Variants in EHBP1 observed in about 807,000 individuals in gnomAD.
EHBP1 encodes the protein EH domain binding protein 1.
In EHBP1, 55 loss-of-function variants were observed where a neutral mutation model predicts 144.0. That is an observed-to-expected ratio of 0.38 (90% CI 0.31 to 0.48). The LOEUF (loss-of-function observed/expected upper bound fraction) is 0.48. EHBP1 is among the 20% of genes least tolerant of loss of function. The probability of loss-of-function intolerance (pLI) is 0.98; values close to 1 mark genes in which losing one functional copy is unlikely to be tolerated. For synonymous variants in EHBP1, 469 were observed against 472.7 expected, an observed-to-expected ratio of 0.99 and a Z score of 0.10; for missense variants, 1,200 against 1,364.2, an observed-to-expected ratio of 0.88 and a Z score of 1.90.
chr2:62,890,350 A>G (rs1009368086), intron 10 of EHBP1, among the ~76,000 whole-genome samples: 1 of 152,180 alleles, frequency 6.6e-6, no homozygotes, highest in Non-Finnish European at 1.5e-5. Context: ...TTTTAACAAT[A>G]TTGATTCTTC....
intron 5 of EHBP1, among the ~76,000 whole-genome samples, chr2:62,817,943 T>C (rs1378144014): frequency 6.6e-6 from 1 of 152,014 alleles, no homozygotes; most frequent in African/African-American, 2.4e-5. Context: ...ACTTTCCTTA[T>C]CACATAGAAA....
At chr2:62,810,565 T>C (rs1341030458) in intron 5 of EHBP1, among the ~76,000 whole-genome samples, 1 of 152,238 alleles carries the variant, frequency 6.6e-6, no homozygotes, top group Non-Finnish European at 1.5e-5. Context: ...AGTTTGGCTA[T>C]GTTGAGTTTG....
intron 11 of EHBP1, among the ~76,000 whole-genome samples, chr2:62,943,539 C>G (rs2056897364): frequency 6.6e-6 from 1 of 152,076 alleles, no homozygotes; most frequent in African/African-American, 2.4e-5. Context: ...ATTTGGTTGT[C>G]AAGGCTAGTC....
rs554647512 is a variant in EHBP1, at chr2:62,882,585, T to C, written c.1185+8053T>C. On this transcript the variant is annotated intron_variant, in intron 10 of 22. Transcript: ENST00000431489. The stretch of plus-strand genomic sequence containing the variant: ...TAATTAAGAATTCCTAATTTCTCTG[T>C]AGAGGAAAGGAAATGGGCCGGGTGC... Among the ~76,000 whole-genome samples the C allele has an allele frequency of 1.1e-4, 17 of 152,288 alleles. No individual in the cohort carries two copies. In the South Asian group the frequency reaches 3.3e-3, roughly 30 times the overall value.
intron 14 of EHBP1, among the ~76,000 whole-genome samples, chr2:62,978,432 A>C (rs1326874129): frequency 1.3e-5 from 2 of 151,880 alleles, no homozygotes; most frequent in African/African-American, 4.8e-5. Flanking sequence ...CAATCTCTTG[A>C]CCTTGTGATC....
intron 7 of EHBP1, among the ~76,000 whole-genome samples, chr2:62,831,474 C>T (rs1355538613): frequency 3.9e-5 from 6 of 152,140 alleles, no homozygotes; most frequent in African/African-American, 1.4e-4. Flanking sequence ...TAAAGATCTG[C>T]CTGTAAAGGA....
chr2:62,765,840 T>C (rs2041136640), intron 4 of EHBP1, among the ~76,000 whole-genome samples: 1 of 152,198 alleles, frequency 6.6e-6, no homozygotes, highest in Non-Finnish European at 1.5e-5. Context: ...TGCATCACAC[T>C]GTATTACTTG....
In EHBP1 at chr2:62,874,454, A is replaced by T; in HGVS notation, c.1107A>T (p.Pro369=). 6.2e-7 allele frequency: 1 copy of T among 1,613,682 alleles called. No homozygotes were observed. The highest frequency in any genetic ancestry group is 8.5e-7 in the Non-Finnish European group (1 of 1,179,728). The stretch of plus-strand genomic sequence containing the variant: ...GAGTGAAAAGAAAGGCCCCGGCTCC[A>T]CCAGTCCTCTCACCAAAAACAGGAG... ...ERRVKRKAPA[P]PVLSPKTGVL... is the part of the protein sequence containing the mutation. The change falls in exon 10 of 23, where the codon CCA becomes CCT. Residue 369 remains proline, a synonymous_variant. Coordinates refer to ENST00000431489, the MANE Select transcript of EHBP1 (RefSeq NM_001142616.3).
intron 19 of EHBP1, among the ~76,000 whole-genome samples, chr2:63,036,976 G>A (rs2061464282): frequency 6.6e-6 from 1 of 151,266 alleles, no homozygotes; most frequent in African/African-American, 2.4e-5. Context: ...TTTTTTTGTA[G>A]CCTGGTAATT....
At chr2:62,832,795 C>T (rs1052199981) in intron 7 of EHBP1, among the ~76,000 whole-genome samples, 2 of 152,140 alleles carry the variant, frequency 1.3e-5, no homozygotes, top group African/African-American at 2.4e-5. Context: ...TTCCCTGGGA[C>T]ATAACAATGT....
rs541561492 is a variant in EHBP1 at position 62,956,495 on chromosome 2, T to G, written c.2460+835T>G. ...ACCCTATTGCTTATGAGACTATGCT[T>G]TGAATAGTCCCAAGATATTTTCCCA... On this transcript the variant is annotated intron_variant, in intron 14 of 22. Transcript: ENST00000431489. Among the ~76,000 whole-genome samples the G allele has an allele frequency of 3.3e-5, 5 of 152,232 alleles. No homozygotes were observed. The South Asian group carries it at 1.0e-3, about 32-fold the overall frequency.
intron 1 of EHBP1, among the ~76,000 whole-genome samples, chr2:62,700,506 T>A (rs2034248067): frequency 6.6e-6 from 1 of 152,256 alleles, no homozygotes; most frequent in African/African-American, 2.4e-5. Context: ...CTAATATTCA[T>A]CTTCATTAGC....
intron 2 of EHBP1, among the ~76,000 whole-genome samples, chr2:62,719,226 A>G (rs2035974847): frequency 6.6e-6 from 1 of 152,142 alleles, no homozygotes; most frequent in African/African-American, 2.4e-5. Context: ...TTGGCCTCCC[A>G]AAGTGCTAGG....
intron 3 of EHBP1, among the ~76,000 whole-genome samples, chr2:62,752,274 T>A: frequency 6.6e-6 from 1 of 152,330 alleles, no homozygotes; most frequent in Middle Eastern, 3.4e-3. Context: ...TTGTTCAGTT[T>A]CCATGTAGTT....
intron 19 of EHBP1, among the ~76,000 whole-genome samples, chr2:63,009,396 G>A (rs2060180161): frequency 6.6e-6 from 1 of 151,494 alleles, no homozygotes; most frequent in African/African-American, 2.4e-5. Context: ...AGAAACTAAT[G>A]TCATGTTTCC....
chr2:62,744,536 C>A (rs569984286), intron 2 of EHBP1, among the ~76,000 whole-genome samples: 1 of 151,736 alleles, frequency 6.6e-6, no homozygotes, highest in South Asian at 2.1e-4. Flanking sequence ...AGTTTGTTCC[C>A]GATAATTAAA....
chr2:62,775,810 A>T (rs1445214672), intron 5 of EHBP1, among the ~76,000 whole-genome samples: 1 of 152,138 alleles, frequency 6.6e-6, no homozygotes, highest in Non-Finnish European at 1.5e-5. Flanking sequence ...AGGTTAAGTA[A>T]CTTGCCCACA....
chr2:62,716,884 A>C lies in EHBP1; in HGVS notation c.104+9589A>C, dbSNP rs1489904928. ...AACTCTGGCTGCTAAAGTGTCTGCC[A>C]CCTGCTACAATTTATGATGTTTCTC... On this transcript the variant is annotated intron_variant, in intron 2 of 22. Coordinates refer to ENST00000431489, the MANE Select transcript of EHBP1 (RefSeq NM_001142616.3). 2.6e-5 allele frequency among the ~76,000 whole-genome samples: 4 copies of C among 152,150 alleles called. No individual in the cohort carries two copies. The East Asian group carries it at 7.7e-4, about 29-fold the overall frequency.
chr2:62,812,029 G>T (rs1375837466), intron 5 of EHBP1, among the ~76,000 whole-genome samples: 4 of 152,170 alleles, frequency 2.6e-5, no homozygotes, highest in African/African-American at 7.2e-5. Flanking sequence ...ATTATTATGG[G>T]AGTGGGTTCT....
Sources: gnomAD v4.1 joint callset for allele counts (sites outside exome capture counted in the v4.1 genomes callset) on GRCh38, gnomAD v4.1.1 for gene constraint, MANE v1.5 for transcripts, NCBI Gene and HGNC (gene_info 2026-07-23, HGNC 2026-07-21) for gene names.